AFG2A: variants seen among roughly 807,000 people sequenced by gnomAD.
AFG2A encodes ATPase family gene 2 protein homolog A.
the AFG2A span, among the ~76,000 whole-genome samples, chr4:123,241,814 T>C: frequency 1.6e-4 from 25 of 152,204 alleles, 1 homozygote; most frequent in African/African-American, 6.0e-4. Context: ...ACAAAGGTTA[T>C]TCAATTTAGA....
chr4:123,244,708 T>C, the AFG2A span, among the ~76,000 whole-genome samples: 10 of 152,320 alleles, frequency 6.6e-5, no homozygotes, highest in East Asian at 1.7e-3. Flanking sequence ...TTTTTAAAAA[T>C]CGTTTATATG....
At chr4:123,082,057 C>T in the AFG2A span, among the ~76,000 whole-genome samples, 4 of 152,164 alleles carry the variant, frequency 2.6e-5, no homozygotes, top group South Asian at 8.3e-4. Context: ...CTTTCGTAGA[C>T]ACTTTCTCCC....
chr4:123,297,379 T>C, the AFG2A span, among the ~76,000 whole-genome samples: 2 of 152,210 alleles, frequency 1.3e-5, no homozygotes, highest in Admixed American at 6.5e-5. Flanking sequence ...ATCAGTTGTA[T>C]AGCCCAAAAT....
At chr4:123,030,087 A>T in the AFG2A span, among the ~76,000 whole-genome samples, 3 of 151,794 alleles carry the variant, frequency 2.0e-5, no homozygotes, top group African/African-American at 7.3e-5. Flanking sequence ...TCTCATCTCC[A>T]TTTTTTCTGT....
At chr4:123,304,529 A>G in the AFG2A span, among the ~76,000 whole-genome samples, 3 of 152,210 alleles carry the variant, frequency 2.0e-5, no homozygotes, top group Non-Finnish European at 2.9e-5. Flanking sequence ...CAGCGGCTGC[A>G]CCACAATCAT....
At chr4:122,997,230 A>G in the AFG2A span, among the ~76,000 whole-genome samples, 22 of 152,290 alleles carry the variant, frequency 1.4e-4, no homozygotes, top group African/African-American at 4.1e-4. Flanking sequence ...TAGTATATCT[A>G]TGGAATCAAG....
the AFG2A span, among the ~76,000 whole-genome samples, chr4:123,022,701 C>A: frequency 6.6e-6 from 1 of 151,024 alleles, no homozygotes; most frequent in Non-Finnish European, 1.5e-5. Context: ...ACCCAAAGGA[C>A]TATAAATCAT....
the AFG2A span, among the ~76,000 whole-genome samples, chr4:123,052,650 C>G: frequency 0.054 from 8,209 of 152,240 alleles, 525 homozygotes; most frequent in African/African-American, 0.16. Context: ...CCTGTGACCA[C>G]TTCAGCTATC....
At chr4:123,000,415 C>T in the AFG2A span, among the ~76,000 whole-genome samples, 1 of 152,006 alleles carries the variant, frequency 6.6e-6, no homozygotes, top group East Asian at 1.9e-4. Flanking sequence ...AGTTTTTGTC[C>T]ATTCAGTATG....
chr4:123,292,143 A>G, the AFG2A span, among the ~76,000 whole-genome samples: 3,412 of 152,084 alleles, frequency 0.022, 126 homozygotes, highest in African/African-American at 0.077. Context: ...CCTTTCTTCT[A>G]CTTGATCTAG....
chr4:123,149,686 G>T, the AFG2A span, among the ~76,000 whole-genome samples: 1 of 151,716 alleles, frequency 6.6e-6, no homozygotes, highest in African/African-American at 2.4e-5. Context: ...TGGATATTTA[G>T]ATGGAACTGT....
At chr4:123,015,814 A>AC in the AFG2A span, among the ~76,000 whole-genome samples, 8 of 50,950 alleles carry the variant, frequency 1.6e-4, no homozygotes, top group African/African-American at 2.8e-4. Flanking sequence ...TGGGGGGCTG[A>AC]CCCCCCCACC....
the AFG2A span, among the ~76,000 whole-genome samples, chr4:123,020,119 T>A: frequency 6.6e-6 from 1 of 152,106 alleles, no homozygotes; most frequent in Non-Finnish European, 1.5e-5. Context: ...TTTCTTTTTT[T>A]CTTGACCACA....
chr4:123,031,205 G>A, the AFG2A span, among the ~76,000 whole-genome samples: 1 of 152,056 alleles, frequency 6.6e-6, no homozygotes, highest in South Asian at 2.1e-4. Context: ...AGGCTGGAGT[G>A]CAGTGGCACG....
the AFG2A span, among the ~76,000 whole-genome samples, chr4:123,143,544 C>T: frequency 5.3e-5 from 8 of 151,870 alleles, no homozygotes; most frequent in Admixed American, 1.3e-4. Flanking sequence ...TTCCAATTTT[C>T]GGGCAAATAA....
chr4:123,125,432 G>A, the AFG2A span, among the ~76,000 whole-genome samples: 3 of 152,112 alleles, frequency 2.0e-5, no homozygotes, highest in African/African-American at 2.4e-5. Flanking sequence ...TGTCAGAGAA[G>A]GACATTTTTT....
the AFG2A span, among the ~76,000 whole-genome samples, chr4:123,133,198 T>C: frequency 1.3e-5 from 2 of 152,292 alleles, no homozygotes; most frequent in African/African-American, 4.8e-5. Context: ...ATGCAGCCTA[T>C]GGGGACCACA....
At chr4:123,201,041 A>G in the AFG2A span, among the ~76,000 whole-genome samples, 1 of 152,260 alleles carries the variant, frequency 6.6e-6, no homozygotes, top group African/African-American at 2.4e-5. Context: ...AAACAAAAAC[A>G]TTAAAGTTTT....
chr4:123,146,983 T>G, the AFG2A span, among the ~76,000 whole-genome samples: 9 of 152,196 alleles, frequency 5.9e-5, no homozygotes, highest in Non-Finnish European at 1.0e-4. Context: ...CAAGTTATTT[T>G]CTATCCTAAA....
Sources: allele counts gnomAD v4.1 joint callset (sites outside exome capture counted in the v4.1 genomes callset), GRCh38; gene constraint gnomAD v4.1.1; transcripts MANE v1.5; gene names NCBI Gene and HGNC (gene_info 2026-07-23, HGNC 2026-07-21).